The following UBR3 variants were observed in gnomAD, a reference collection of about 807,000 sequenced individuals.
UBR3 encodes the protein ubiquitin protein ligase E3 component n-recognin 3.
Under a neutral mutation model 243.2 loss-of-function variants are expected in UBR3, and 85 were observed. The observed-to-expected ratio is 0.35, with a 90% confidence interval of 0.29 to 0.42. The LOEUF is 0.42. Among genes scored for constraint, UBR3 ranks in the 10% least tolerant of loss-of-function variants. The pLI, the probability that UBR3 is intolerant of heterozygous loss-of-function variation, is 1.00. For missense variants in UBR3, 1,686 were observed against 2,300.8 expected, an observed-to-expected ratio of 0.73 and a Z score of 5.47; for synonymous variants, 748 against 799.8, an observed-to-expected ratio of 0.94 and a Z score of 1.09.
chr2:169,963,005 T>G (rs1016695589), intron 24 of UBR3, among the ~76,000 whole-genome samples: 1 of 152,172 alleles, frequency 6.6e-6, no homozygotes, highest in Non-Finnish European at 1.5e-5. Context: ...AAGGGCTGAC[T>G]GCTCTAGGTC....
intron 25 of UBR3, among the ~76,000 whole-genome samples, chr2:169,992,772 A>G (rs950078967): frequency 6.6e-6 from 1 of 152,066 alleles, no homozygotes; most frequent in Non-Finnish European, 1.5e-5. Flanking sequence ...TTTCTTATAT[A>G]TATTTTGAGA....
At chr2:169,844,341 C>CT (rs901296217) in intron 1 of UBR3, among the ~76,000 whole-genome samples, 1 of 151,984 alleles carries the variant, frequency 6.6e-6, no homozygotes, top group Non-Finnish European at 1.5e-5. Context: ...TTATTCAGTA[C>CT]TTTTTTTTCT....
intron 1 of UBR3, among the ~76,000 whole-genome samples, chr2:169,847,465 G>T (rs2082521126): frequency 6.6e-6 from 1 of 151,996 alleles, no homozygotes; most frequent in South Asian, 2.1e-4. Context: ...CCTTATAATA[G>T]TTTGCTTTTT....
At chr2:169,834,124 C>T (rs1203960105) in intron 1 of UBR3, among the ~76,000 whole-genome samples, 1 of 152,158 alleles carries the variant, frequency 6.6e-6, no homozygotes, top group African/African-American at 2.4e-5. Flanking sequence ...GTTTTCTGAT[C>T]TGTGGTAGCC....
intron 26 of UBR3, among the ~76,000 whole-genome samples, chr2:169,995,598 A>C (rs1014303209): frequency 6.6e-6 from 1 of 152,178 alleles, no homozygotes; most frequent in African/African-American, 2.4e-5. Flanking sequence ...TAATGTATTA[A>C]CTCTGTAGAA....
At chr2:169,908,069 A>G (rs552124302) in intron 10 of UBR3, among the ~76,000 whole-genome samples, 4 of 151,994 alleles carry the variant, frequency 2.6e-5, no homozygotes, top group Non-Finnish European at 5.9e-5. Flanking sequence ...CCATGCCTTT[A>G]TTGGATTGAT....
intron 32 of UBR3, 57 bp from the exon 33 acceptor site, chr2:170,055,403 A>G (rs2091311082): frequency 6.3e-7 from 1 of 1,579,820 alleles, no homozygotes; most frequent in South Asian, 1.2e-5. Flanking sequence ...TTGTAAAACT[A>G]TGTTGAGTAC....
At chr2:169,923,512 A>G (rs2085786018) in intron 11 of UBR3, among the ~76,000 whole-genome samples, 1 of 140,734 alleles carries the variant, frequency 7.1e-6, no homozygotes, top group African/African-American at 2.7e-5. Flanking sequence ...GCACATAGGA[A>G]GTGTTCAATG....
At position 169,950,005 on chromosome 2, in the gene UBR3, C is replaced by T; in HGVS notation, c.3485C>T (p.Pro1162Leu). 2.5e-6 allele frequency: 4 copies of T among 1,599,658 alleles called. No individual in the cohort carries two copies. Among genetic ancestry groups the T allele is most frequent in the Non-Finnish European group, 2.6e-6 (3 of 1,175,302 alleles). The part of the protein sequence containing the change: ...IIEEICRKVT[P>L]PVPPKKVTAA... Reference sequence around the variant, plus strand: ...GAAGAGATATGTAGAAAAGTGACCCCTCCTGTACCACCTAAAAAAGTCACT... The same window carrying T: ...GAAGAGATATGTAGAAAAGTGACCCTTCCTGTACCACCTAAAAAAGTCACT... The change falls in exon 23 of 39, where the codon CCT (proline) becomes CTT (leucine). Residue 1162 changes from proline to leucine, a missense_variant. Around this residue, in one of 8 missense-constraint regions of UBR3, gnomAD observed 300 missense variants for 314.4 expected, o/e 0.95. Coordinates refer to ENST00000272793, the MANE Select transcript of UBR3 (RefSeq NM_172070.4).
intron 27 of UBR3, among the ~76,000 whole-genome samples, chr2:170,003,796 AC>A (rs1257049453): frequency 3.3e-5 from 5 of 152,004 alleles, no homozygotes; most frequent in African/African-American, 4.8e-5. Context: ...GCCCGCCACC[AC>A]GCCCGGCTAA....
chr2:169,967,457 T>C (rs1574303944), intron 24 of UBR3, among the ~76,000 whole-genome samples: 1 of 152,118 alleles, frequency 6.6e-6, no homozygotes, highest in East Asian at 1.9e-4. Context: ...CCATTTCCAA[T>C]AGACACAGCA....
chr2:170,049,216 T>C (rs1171563051), intron 32 of UBR3, among the ~76,000 whole-genome samples: 1 of 152,224 alleles, frequency 6.6e-6, no homozygotes, highest in East Asian at 1.9e-4. Flanking sequence ...TTATATGTAT[T>C]ACGTACTTTA....
chr2:169,878,425 C>T, intron 4 of UBR3, 100 bp from the exon 5 acceptor site: 4 of 1,205,166 alleles, frequency 3.3e-6, no homozygotes, highest in Non-Finnish European at 4.7e-6. Context: ...CCTAACGTAA[C>T]AAAACTTAGC....
At chr2:169,925,973 A>G (rs1179296749) in intron 14 of UBR3, among the ~76,000 whole-genome samples, 3 of 152,130 alleles carry the variant, frequency 2.0e-5, no homozygotes, top group Admixed American at 6.6e-5. Flanking sequence ...GGGAGAGCCT[A>G]GGCCAGAGCC....
chr2:170,067,810 C>T (rs974090990), intron 35 of UBR3, among the ~76,000 whole-genome samples: 2 of 148,070 alleles, frequency 1.4e-5, no homozygotes, highest in Non-Finnish European at 3.0e-5. Context: ...CCCTCTGTTG[C>T]CCAGGCTCGA....
chr2:170,003,025 C>T (rs2089771383), intron 27 of UBR3, among the ~76,000 whole-genome samples: 2 of 152,152 alleles, frequency 1.3e-5, no homozygotes, highest in South Asian at 4.2e-4. Flanking sequence ...AACTCAGAAG[C>T]AGTAGATATC....
chr2:169,888,382 AC>A (rs1428808918), intron 5 of UBR3, among the ~76,000 whole-genome samples: 1 of 147,570 alleles, frequency 6.8e-6, no homozygotes, highest in Non-Finnish European at 1.5e-5. Context: ...CAGGTGATCC[AC>A]CCACCTCAGC....
At chr2:169,884,662 G>A (rs2084023019) in intron 5 of UBR3, among the ~76,000 whole-genome samples, 1 of 152,008 alleles carries the variant, frequency 6.6e-6, no homozygotes. Context: ...TATTTTATTA[G>A]GACTAATGGC....
At chr2:170,013,666 T>G (rs1219055840) in intron 29 of UBR3, among the ~76,000 whole-genome samples, 5 of 152,120 alleles carry the variant, frequency 3.3e-5, no homozygotes, top group Non-Finnish European at 7.4e-5. Context: ...AAAACAGAAT[T>G]GTTCTTATAT....
Sources: allele counts gnomAD v4.1 joint callset (sites outside exome capture counted in the v4.1 genomes callset), GRCh38; gene constraint gnomAD v4.1.1; regional missense constraint gnomAD v4.1.1; transcripts MANE v1.5; gene names NCBI Gene and HGNC (gene_info 2026-07-23, HGNC 2026-07-21).